REPS2: variants seen among roughly 807,000 people sequenced by gnomAD.
REPS2 encodes RALBP1 associated Eps domain containing 2, also known as ralBP1-associated Eps domain-containing protein 2.
Under a neutral mutation model 53.6 loss-of-function variants are expected in REPS2, and 23 were observed. The ratio of observed to expected loss-of-function variants is 0.43; its 90% CI spans 0.31 to 0.61. REPS2 has a LOEUF of 0.61. REPS2 is among the 20% of genes least tolerant of loss of function. The pLI, the probability that REPS2 is intolerant of heterozygous loss-of-function variation, is 0.11. For missense variants in REPS2, 446 were observed against 534.9 expected (o/e 0.83, Z 1.64); for synonymous variants, 238 against 218.6 (o/e 1.09, Z -0.78).
At chrX:17,103,951 C>G (rs1453964812) in intron 14 of REPS2, among the ~76,000 whole-genome samples, 172 bp downstream of exon 14, 3 of 111,454 alleles carry the variant, frequency 2.7e-5, no homozygotes, top group African/African-American at 9.8e-5. Flanking sequence ...GCCAGCTCCC[C>G]AGCCTCATGT....
intron 4 of REPS2, among the ~76,000 whole-genome samples, chrX:17,026,525 C>T (rs2061647671): frequency 9.8e-6 from 1 of 102,289 alleles, no homozygotes; most frequent in South Asian, 5.0e-4. Flanking sequence ...ACAGGTGAAA[C>T]TTTTTGTTCT....
chrX:17,180,364 A>G, the REPS2 span, among the ~76,000 whole-genome samples: 10 of 111,351 alleles, frequency 9.0e-5, no homozygotes, highest in Non-Finnish European at 1.9e-5. Context: ...CAGATCTGCT[A>G]TATACTAAGC....
intron 1 of REPS2, among the ~76,000 whole-genome samples, chrX:16,993,955 G>C (rs1056767359): frequency 1.8e-5 from 2 of 112,828 alleles, no homozygotes; most frequent in African/African-American, 3.2e-5. Flanking sequence ...CAGGGACAAG[G>C]CTTGAAAACT....
intron 13 of REPS2, among the ~76,000 whole-genome samples, chrX:17,101,308 C>T (rs1038157747): frequency 3.6e-5 from 4 of 110,301 alleles, no homozygotes; most frequent in Admixed American, 9.7e-5. Context: ...ATGATCTGCC[C>T]GCCTTGGCCT....
At chrX:17,048,838 T>G (rs1225357024) in intron 6 of REPS2, among the ~76,000 whole-genome samples, 1 of 113,055 alleles carries the variant, frequency 8.8e-6, no homozygotes, top group African/African-American at 3.2e-5. Context: ...CAGTATATAA[T>G]ACTTAATAAT....
At chrX:17,177,857 G>A in the REPS2 span, among the ~76,000 whole-genome samples, 2 of 111,609 alleles carry the variant, frequency 1.8e-5, no homozygotes, top group Non-Finnish European at 3.8e-5. Flanking sequence ...GGAGTTGGGG[G>A]AGAAGTTGCC....
At chrX:16,980,552 C>T (rs757655847) in intron 1 of REPS2, among the ~76,000 whole-genome samples, 177 of 111,473 alleles carry the variant, frequency 1.6e-3, no homozygotes, top group African/African-American at 5.3e-3. Flanking sequence ...CCACCTGCCT[C>T]GGCCAAAATG....
chrX:17,019,801 T>G (rs1293786708), intron 2 of REPS2, among the ~76,000 whole-genome samples: 1 of 112,064 alleles, frequency 8.9e-6, no homozygotes, highest in Non-Finnish European at 1.9e-5. Context: ...CACTTCAGTC[T>G]GAGAGACAGA....
At chrX:16,998,623 C>T (rs1338582756) in intron 1 of REPS2, among the ~76,000 whole-genome samples, 1 of 111,548 alleles carries the variant, frequency 9.0e-6, no homozygotes, top group Non-Finnish European at 1.9e-5. Context: ...AAAAGGGATT[C>T]GGATTTTAGG....
rs6629200 is a variant in REPS2 at position 17,021,340 on chromosome X, G to A, written c.398-783G>A. ...GAAAGATGAGTAAATATACCAGACC[G>A]TTGCTTTTCAACTCTTTGTAGCATT... On this transcript the variant is annotated intron_variant, in intron 2 of 17. Coordinates refer to ENST00000357277, the MANE Select transcript of REPS2 (RefSeq NM_004726.3). Among the ~76,000 whole-genome samples, 560 of 112,545 alleles carry A rather than the reference G, an allele frequency of 5.0e-3. 3 individuals carry two copies. The highest frequency in any genetic ancestry group is 0.017 in the African/African-American group (536 of 30,962).
At chrX:17,114,584 A>G (rs1195373761) in intron 14 of REPS2, among the ~76,000 whole-genome samples, 2 of 112,374 alleles carry the variant, frequency 1.8e-5, no homozygotes, top group Non-Finnish European at 3.8e-5. Context: ...GTCCTCTGAT[A>G]TGACAACTAG....
chrX:17,139,772 A>C (rs1330498795), intron 17 of REPS2, among the ~76,000 whole-genome samples: 1 of 110,577 alleles, frequency 9.0e-6, no homozygotes, highest in Non-Finnish European at 1.9e-5. Context: ...CTGTTGTCAC[A>C]TGGCCTTCTT....
downstream of REPS2, among the ~76,000 whole-genome samples, chrX:17,153,542 T>C (rs2063588064): frequency 8.9e-6 from 1 of 111,799 alleles, no homozygotes; most frequent in Admixed American, 9.5e-5. Flanking sequence ...GGGGCCAGGT[T>C]ATTTGCTTTA....
At chrX:17,076,370 A>G (rs1036933494) in intron 12 of REPS2, among the ~76,000 whole-genome samples, 1 of 111,626 alleles carries the variant, frequency 9.0e-6, no homozygotes, top group Non-Finnish European at 1.9e-5. Context: ...TCTACATCTT[A>G]GGGCCTTTTC....
intron 1 of REPS2, among the ~76,000 whole-genome samples, chrX:16,949,542 G>A (rs1365014597): frequency 9.0e-6 from 1 of 111,730 alleles, no homozygotes; most frequent in Non-Finnish European, 1.9e-5. Context: ...TGAGTAGCTG[G>A]GACTACAGGC....
chrX:16,979,774 G>T (rs1427791673), intron 1 of REPS2, among the ~76,000 whole-genome samples: 1 of 110,118 alleles, frequency 9.1e-6, no homozygotes, highest in East Asian at 2.8e-4. Context: ...CTCTGAGAAA[G>T]GTTTATCCCT....
chrX:17,016,642 C>T (rs1001761061), intron 2 of REPS2, among the ~76,000 whole-genome samples: 14 of 111,085 alleles, frequency 1.3e-4, no homozygotes, highest in Non-Finnish European at 2.3e-4. Flanking sequence ...CTCCTGACCT[C>T]GAATGATCCA....
At chrX:17,113,698 A>G (rs745591506) in intron 14 of REPS2, among the ~76,000 whole-genome samples, 9 of 111,483 alleles carry the variant, frequency 8.1e-5, no homozygotes, top group Admixed American at 1.9e-4. Flanking sequence ...GGAAATGGCC[A>G]TAGTGATAAG....
intron 8 of REPS2, among the ~76,000 whole-genome samples, chrX:17,056,142 G>T (rs1602846826): frequency 8.9e-6 from 1 of 112,271 alleles, no homozygotes; most frequent in East Asian, 2.8e-4. Context: ...ATAATGTGAG[G>T]AATAGGGCTG....
Sources: gnomAD v4.1 joint callset for allele counts (sites outside exome capture counted in the v4.1 genomes callset) on GRCh38, gnomAD v4.1.1 for gene constraint, MANE v1.5 for transcripts, NCBI Gene and HGNC (gene_info 2026-07-23, HGNC 2026-07-21) for gene names.